Variants in COL8A1 observed in about 807,000 individuals in gnomAD.
COL8A1 encodes the protein collagen type VIII alpha 1 chain.
COL8A1 carries 21 observed loss-of-function variants against 42.7 expected under a neutral mutation model. The observed-to-expected ratio is 0.49, with a 90% confidence interval of 0.35 to 0.71. The LOEUF is 0.71. Among genes scored for constraint, COL8A1 ranks in the 30% least tolerant of loss-of-function variants. The probability of loss-of-function intolerance (pLI) is 0.01; values close to 1 mark genes in which losing one functional copy is unlikely to be tolerated. For synonymous variants in COL8A1, 367 were observed against 369.1 expected (o/e 0.99, Z 0.06); for missense variants, 788 against 962.4 (o/e 0.82, Z 2.40).
intron 2 of COL8A1, among the ~76,000 whole-genome samples, chr3:99,770,932 C>T (rs1244365956): frequency 6.6e-6 from 1 of 152,144 alleles, no homozygotes; most frequent in African/African-American, 2.4e-5. Flanking sequence ...GCACTGCCTT[C>T]GCCAGAGTGG....
At chr3:99,772,105 A>C (rs1228295044) in intron 2 of COL8A1, among the ~76,000 whole-genome samples, 1 of 152,204 alleles carries the variant, frequency 6.6e-6, no homozygotes, top group Admixed American at 6.5e-5. Context: ...CACATCCATA[A>C]ATAAATAATA....
intron 1 of COL8A1, among the ~76,000 whole-genome samples, chr3:99,641,287 G>A (rs143986270): frequency 5.3e-5 from 8 of 152,174 alleles, no homozygotes; most frequent in African/African-American, 1.9e-4. Flanking sequence ...GAGGGGATGG[G>A]GAAGAGCAAA....
intron 2 of COL8A1, among the ~76,000 whole-genome samples, chr3:99,753,405 A>G (rs1941191410): frequency 6.6e-6 from 1 of 152,240 alleles, no homozygotes; most frequent in South Asian, 2.1e-4. Context: ...GTGAGCCCCA[A>G]GGGTGACCAC....
chr3:99,790,927 A>G lies in COL8A1; in HGVS notation c.245A>G (p.Glu82Gly). Residue 82 changes from glutamate (E) to glycine (G), a missense_variant, in exon 3 of 4, where the codon GAG becomes GGG. Coordinates refer to ENST00000652472, the MANE Select transcript of COL8A1 (RefSeq NM_020351.4). ...ATGCCCCACTTGCAGTATGGCAAAG[A>G]GTATCCACACCTACCCCAATATATG... ...KEMPHLQYGK[E>G]YPHLPQYMKE... 1 of 1,614,242 alleles carries G rather than the reference A, an allele frequency of 6.2e-7. No homozygotes were observed. The highest frequency in any genetic ancestry group is 8.5e-7 in the Non-Finnish European group (1 of 1,180,040).
At chr3:99,739,698 G>A (rs571219829) in intron 1 of COL8A1, among the ~76,000 whole-genome samples, 6 of 152,270 alleles carry the variant, frequency 3.9e-5, no homozygotes, top group Admixed American at 1.3e-4. Flanking sequence ...AGTCCCTAGG[G>A]TGCAAACAGC....
At chr3:99,713,592 T>C (rs1939907108) in intron 1 of COL8A1, among the ~76,000 whole-genome samples, 1 of 152,080 alleles carries the variant, frequency 6.6e-6, no homozygotes, top group Non-Finnish European at 1.5e-5. Context: ...GTGCCTTCCC[T>C]CTAAAGCATT....
rs1273556855 is a variant in COL8A1, at chr3:99,735,157, A to G, written c.-128-9740A>G. 2.4e-3 allele frequency among the ~76,000 whole-genome samples: 339 copies of G among 138,954 alleles called. 2 individuals carry two copies. Among genetic ancestry groups the G allele is most frequent in the African/African-American group, 8.7e-3 (315 of 36,112 alleles). 91.2% of individuals were successfully genotyped at this position (138,954 alleles called of 152,430 possible). A position where few individuals can be genotyped will look rare whatever the true frequency, so the allele number is the denominator to read the frequency against. On this transcript the variant is annotated intron_variant, in intron 1 of 3. Coordinates refer to ENST00000652472, the MANE Select transcript of COL8A1 (RefSeq NM_020351.4). Reference sequence around the variant, plus strand: ...TACCCTTTATTTCCTTCTCCTGCCTAATTGCCCTGGCCAGAACTTCCAACA... The same window carrying G: ...TACCCTTTATTTCCTTCTCCTGCCTGATTGCCCTGGCCAGAACTTCCAACA...
intron 2 of COL8A1, among the ~76,000 whole-genome samples, chr3:99,771,146 T>C (rs1204810793): frequency 6.6e-6 from 1 of 152,114 alleles, no homozygotes; most frequent in East Asian, 1.9e-4. Flanking sequence ...GGAAATGGAA[T>C]TAGGGACAGG....
chr3:99,707,866 A>T (rs1939725818), intron 1 of COL8A1, among the ~76,000 whole-genome samples: 1 of 152,152 alleles, frequency 6.6e-6, no homozygotes, highest in Non-Finnish European at 1.5e-5. Context: ...CATTCAAGTA[A>T]TCCCACCAAT....
chr3:99,739,795 T>C (rs547379528), intron 1 of COL8A1, among the ~76,000 whole-genome samples: 116 of 152,286 alleles, frequency 7.6e-4, no homozygotes, highest in African/African-American at 2.5e-3. Flanking sequence ...ACTCTGGAGA[T>C]ATTTTCCCCA....
rs558735499 is a variant in COL8A1, at chr3:99,780,626, T to TC, written c.-3-10052dup. On this transcript the variant is annotated intron_variant, in intron 2 of 3. Coordinates refer to ENST00000652472, the MANE Select transcript of COL8A1 (RefSeq NM_020351.4). ...TGTGATCCATGTTTATCAACGAAATTCCATATGTTCTTGTAAGTTCTGGTG... is the reference window on the plus strand; with the variant it reads ...TGTGATCCATGTTTATCAACGAAATTCCCATATGTTCTTGTAAGTTCTGGTG... Among the ~76,000 whole-genome samples, 617 of 152,280 alleles carry TC rather than the reference T, an allele frequency of 4.1e-3. 6 individuals are homozygous for TC. Among genetic ancestry groups the TC allele is most frequent in the Non-Finnish European group, 3.9e-3 (267 of 68,010 alleles).
At position 99,795,002 on chromosome 3, in the gene COL8A1, T is replaced by C. The variant is rs776517726; in HGVS notation, c.1101T>C (p.Val367=). 6.2e-7 allele frequency: 1 copy of C among 1,607,082 alleles called. No homozygotes were observed. The highest frequency in any genetic ancestry group is 1.7e-5 in the Admixed American group (1 of 59,082). Residue 367 remains valine, a synonymous_variant, in exon 4 of 4, where the codon GTT becomes GTC. Coordinates refer to ENST00000652472, the MANE Select transcript of COL8A1 (RefSeq NM_020351.4). ...AAGGTGACCGGGGCATGGGAGGTGT[T>C]CCTGGGGCTCTTGGACCAAGAGGGG... ...GPKGDRGMGG[V]PGALGPRGEK... is the part of the protein sequence containing the mutation.
chr3:99,796,241 G>A lies in COL8A1; in HGVS notation c.*105G>A. 3 of 963,644 alleles carry A rather than the reference G, an allele frequency of 3.1e-6. No individual in the cohort carries two copies. Among genetic ancestry groups the A allele is most frequent in the African/African-American group, 1.6e-5 (1 of 61,214 alleles). The allele number at this position is 963,644 out of a possible 1,614,324, so 59.7% of individuals were successfully genotyped here. ...ATAATTGCTTCAAAACACTTACACA[G>A]TTGGAAAGTTATATGTAAGTGAAAA... On this transcript the variant is annotated 3_prime_UTR_variant, in exon 4 of 4. Coordinates refer to ENST00000652472, the MANE Select transcript of COL8A1 (RefSeq NM_020351.4).
At chr3:99,684,304 A>G (rs559517156) in intron 1 of COL8A1, among the ~76,000 whole-genome samples, 1 of 152,296 alleles carries the variant, frequency 6.6e-6, no homozygotes, top group African/African-American at 2.4e-5. Flanking sequence ...TTGTAAGGCA[A>G]GGGTCATTAT....
chr3:99,754,073 A>G (rs1391157565), intron 2 of COL8A1, among the ~76,000 whole-genome samples: 1 of 152,242 alleles, frequency 6.6e-6, no homozygotes. Flanking sequence ...AAATTTTATT[A>G]AGTATACACT....
At chr3:99,652,732 C>T (rs1294802078) in intron 1 of COL8A1, among the ~76,000 whole-genome samples, 1 of 152,116 alleles carries the variant, frequency 6.6e-6, no homozygotes, top group Non-Finnish European at 1.5e-5. Flanking sequence ...TCTTGATGGG[C>T]TAGTCAGCAG....
chr3:99,791,597 T>C (rs1001304021), intron 3 of COL8A1, among the ~76,000 whole-genome samples: 1 of 152,222 alleles, frequency 6.6e-6, no homozygotes, highest in African/African-American at 2.4e-5. Context: ...TCCTGTTGCT[T>C]TCTTGGCGTA....
intron 1 of COL8A1, among the ~76,000 whole-genome samples, chr3:99,709,029 A>ACCCCCG (rs1939760695): frequency 1.2e-5 from 1 of 80,608 alleles, no homozygotes; most frequent in African/African-American, 4.5e-5. Context: ...TAACACCCCC[A>ACCCCCG]CCCCCGCCCC....
intron 1 of COL8A1, among the ~76,000 whole-genome samples, chr3:99,664,567 C>A (rs1965397): frequency 0.099 from 15,044 of 152,160 alleles, 858 homozygotes; most frequent in Non-Finnish European, 0.14. Context: ...TATATTTGTA[C>A]CCTGCTCTTT....
Sources: gnomAD v4.1 joint callset for allele counts (sites outside exome capture counted in the v4.1 genomes callset) on GRCh38, gnomAD v4.1.1 for gene constraint, MANE v1.5 for transcripts, NCBI Gene and HGNC (gene_info 2026-07-23, HGNC 2026-07-21) for gene names.